The following RNF19A variants were observed in gnomAD, a reference collection of about 807,000 sequenced individuals.
RNF19A encodes the protein E3 ubiquitin-protein ligase RNF19A.
In RNF19A, 32 loss-of-function variants were observed where a neutral mutation model predicts 75.7. That is an observed-to-expected ratio of 0.42 (90% confidence interval 0.32 to 0.57). The LOEUF is 0.57. Ranked by LOEUF, RNF19A falls within the 20% of genes least tolerant of loss-of-function variation. The probability of loss-of-function intolerance (pLI) is 0.10; values close to 1 mark genes in which losing one functional copy is unlikely to be tolerated. For synonymous variants in RNF19A, 335 were observed against 345.2 expected, an observed-to-expected ratio of 0.97 and a Z score of 0.33; for missense variants, 782 against 1,036.3, an observed-to-expected ratio of 0.75 and a Z score of 3.37.
intron 3 of RNF19A, among the ~76,000 whole-genome samples, chr8:100,273,832 G>C (rs1469611905): frequency 6.6e-6 from 1 of 152,032 alleles, no homozygotes; most frequent in Non-Finnish European, 1.5e-5. Flanking sequence ...ATCCAGGCTG[G>C]AGGGCAGTGG....
At chr8:100,300,229 A>C (rs144085299) in intron 1 of RNF19A, among the ~76,000 whole-genome samples, 6 of 152,232 alleles carry the variant, frequency 3.9e-5, no homozygotes, top group Non-Finnish European at 5.9e-5. Flanking sequence ...AGGAAATATT[A>C]TTAACTGTAT....
Position 100,287,785 on chromosome 8 carries a change from TA to T in RNF19A, c.389del (p.Ile130LysfsTer18), listed in dbSNP as rs754675621. ...GCCGCAAAAGGCACAAAGGGCACTC[TA>T]TGAAGTCTCCAATTTGTTTGCTGAT... is the stretch of plus-strand genomic sequence containing the variant. ...TSISKQIGDF[I>X]ECPLCLLRHS... On this transcript the variant is annotated frameshift_variant, in exon 2 of 10. Transcript: ENST00000341084. LOFTEE classifies it high-confidence loss of function. The surrounding 1 kb of genome is among the most constrained non-coding windows in gnomAD (Gnocchi z 4.1). The T allele has an allele frequency of 6.2e-7, 1 of 1,614,196 alleles. No homozygotes were observed. Among genetic ancestry groups the T allele is most frequent in the African/African-American group, 1.3e-5 (1 of 75,060 alleles).
chr8:100,317,449 T>A lies in RNF19A; in HGVS notation c.-242-4077A>T, dbSNP rs1489699449. On this transcript the variant is annotated intron_variant, in intron 1 of 3. Coordinates refer to the RNF19A transcript ENST00000519527. This position sits in a 1 kb window ranked among gnomAD's most constrained non-coding sequence, Gnocchi z 4.3. ...CAGAGAGTGCCAGGGGAAAGGAAAT[T>A]GTTTCTTCCTCTTCATGGGACCCAT... Among the ~76,000 whole-genome samples, 1 of 152,226 alleles carries A rather than the reference T, an allele frequency of 6.6e-6. No homozygotes were observed. The highest frequency in any genetic ancestry group is 1.5e-5 in the Non-Finnish European group (1 of 68,028).
Position 100,288,221 on chromosome 8 carries a change from G to T in RNF19A, c.-47C>A, listed in dbSNP as rs1210904965. ...GAATATCCTACTTGGTTCCTTCAGA[G>T]AATTCTTGAAAAGTTCGATTTACAG... On this transcript the variant is annotated 5_prime_UTR_variant, in exon 2 of 10. Transcript: ENST00000341084. The T allele has an allele frequency of 2.0e-6, 3 of 1,498,844 alleles. No homozygotes were observed. The highest frequency in any genetic ancestry group is 2.7e-6 in the Non-Finnish European group (3 of 1,127,760). The allele number at this position is 1,498,844 out of a possible 1,614,324, so 92.8% of individuals were successfully genotyped here.
At chr8:100,288,791 T>C (rs1269923585) in intron 1 of RNF19A, among the ~76,000 whole-genome samples, 1 of 152,180 alleles carries the variant, frequency 6.6e-6, no homozygotes, top group East Asian at 1.9e-4. Context: ...CCAGGCGCGG[T>C]GGCTCACGCC....
intron 2 of RNF19A, among the ~76,000 whole-genome samples, chr8:100,283,416 A>C (rs1473934463): frequency 6.6e-6 from 1 of 152,166 alleles, no homozygotes; most frequent in Non-Finnish European, 1.5e-5. Context: ...TTTTTCTCTG[A>C]ACCTGTGAGG....
At position 100,259,531 on chromosome 8, in the gene RNF19A, A is replaced by C. The variant is rs1819614113; in HGVS notation, c.1827-285T>G. 6.6e-6 allele frequency among the ~76,000 whole-genome samples: 1 copy of C among 152,158 alleles called. No individual in the cohort carries two copies. The highest frequency in any genetic ancestry group is 2.4e-5 in the African/African-American group (1 of 41,432). ...TATTCAGATACAATTCCCCTGTTTA[A>C]AGTGTACAATTCAGTGATTTTTAGT... On this transcript the variant is annotated intron_variant, in intron 9 of 9. Coordinates refer to ENST00000341084, the MANE Select transcript of RNF19A (RefSeq NM_183419.4). This position sits in a 1 kb window ranked among gnomAD's most constrained non-coding sequence, Gnocchi z 4.5.
intron 3 of RNF19A, among the ~76,000 whole-genome samples, chr8:100,271,677 G>C (rs1316033615): frequency 1.3e-5 from 2 of 152,096 alleles, no homozygotes; most frequent in African/African-American, 2.4e-5. Context: ...ATGTATTTTT[G>C]ATAGGTCTCT....
rs757766178 is a variant in RNF19A at position 100,317,645 on chromosome 8, C to A, written c.-242-4273G>T. On this transcript the variant is annotated intron_variant, in intron 1 of 3. Transcript: ENST00000519527. This position sits in a 1 kb window ranked among gnomAD's most constrained non-coding sequence, Gnocchi z 4.3. ...AGGCAAGCCCACACTGTGCTGGTGA[C>A]CTGGACCAGAATCCTCCAGAGGCTT... Among the ~76,000 whole-genome samples the A allele has an allele frequency of 5.3e-5, 8 of 152,204 alleles. No homozygotes were observed. Among genetic ancestry groups the A allele is most frequent in the Non-Finnish European group, 7.3e-5 (5 of 68,038 alleles).
Position 100,261,525 on chromosome 8 carries a change from C to G in RNF19A, c.1682+17G>C. ...TAGTTACCAGAAAGCAGAACCAAACCAAACCAAAACACACACCTGTTAAAA... is the reference window on the plus strand; with the variant it reads ...TAGTTACCAGAAAGCAGAACCAAACGAAACCAAAACACACACCTGTTAAAA... On this transcript the variant is annotated intron_variant, in intron 8 of 9. Coordinates refer to ENST00000341084, the MANE Select transcript of RNF19A (RefSeq NM_183419.4). This position sits in a 1 kb window ranked among gnomAD's most constrained non-coding sequence, Gnocchi z 4.4. 1 of 1,611,294 alleles carries G rather than the reference C, an allele frequency of 6.2e-7. No homozygotes were observed. Among genetic ancestry groups the G allele is most frequent in the Non-Finnish European group, 8.5e-7 (1 of 1,177,778 alleles).
In RNF19A at chr8:100,264,691, A is replaced by G; in HGVS notation, c.1286T>C (p.Val429Ala). Reference sequence around the variant, plus strand: ...CTTACCTACAGTCACTGCAGCTACTACTGGAGACACGATTACAGACAACGT... The same window carrying G: ...CTTACCTACAGTCACTGCAGCTACTGCTGGAGACACGATTACAGACAACGT... Reference protein sequence around the residue: ...GVTLSVIVSPVVAAVTVGIGV... With the variant: ...GVTLSVIVSPAVAAVTVGIGV... The change falls in exon 6 of 10, where the codon GTA (valine) becomes GCA (alanine). Residue 429 changes from valine (V) to alanine (A), a missense_variant. This residue lies in a region of RNF19A where 442 missense variants were observed against 541.6 expected (regional missense o/e 0.82). Coordinates refer to ENST00000341084, the MANE Select transcript of RNF19A (RefSeq NM_183419.4). The surrounding 1 kb of genome is among the most constrained non-coding windows in gnomAD (Gnocchi z 4.7). 6.2e-7 allele frequency: 1 copy of G among 1,612,030 alleles called. No individual in the cohort carries two copies. Among genetic ancestry groups the G allele is most frequent in the South Asian group, 1.1e-5 (1 of 91,004 alleles).
At chr8:100,334,601 C>T (rs571455214) in intron 1 of RNF19A, among the ~76,000 whole-genome samples, 54 of 152,294 alleles carry the variant, frequency 3.5e-4, no homozygotes, top group African/African-American at 1.1e-3. Flanking sequence ...GCCCCACCTC[C>T]GAGCTCCAGA....
chr8:100,302,568 A>C (rs934525404), intron 1 of RNF19A, among the ~76,000 whole-genome samples: 3 of 152,216 alleles, frequency 2.0e-5, no homozygotes, highest in African/African-American at 7.2e-5. Flanking sequence ...TAAAGCCTAG[A>C]GATGTAAATT....
At chr8:100,297,221 A>G (rs1821606237) in intron 1 of RNF19A, among the ~76,000 whole-genome samples, 1 of 152,244 alleles carries the variant, frequency 6.6e-6, no homozygotes, top group Non-Finnish European at 1.5e-5. Flanking sequence ...TGTGAAAGAA[A>G]GCAATGTTAC....
At chr8:100,285,260 T>G (rs528071023) in intron 2 of RNF19A, among the ~76,000 whole-genome samples, 4 of 152,314 alleles carry the variant, frequency 2.6e-5, no homozygotes, top group Admixed American at 2.0e-4. Flanking sequence ...TTTTTTCCTT[T>G]TATTTATATA....
chr8:100,318,950 G>A (rs1822425287), intron 1 of RNF19A, among the ~76,000 whole-genome samples: 1 of 152,236 alleles, frequency 6.6e-6, no homozygotes, highest in Non-Finnish European at 1.5e-5. Flanking sequence ...ACATGGCCCA[G>A]AGCAATCCCC....
At chr8:100,309,301 C>T in intron 1 of RNF19A, 1 of 985,408 alleles carries the variant, frequency 1.0e-6, no homozygotes, top group Middle Eastern at 5.2e-4. Flanking sequence ...GACTAACCTT[C>T]CTCCGAACAC....
chr8:100,266,229 T>G (rs1000413486), intron 5 of RNF19A, among the ~76,000 whole-genome samples: 1 of 152,244 alleles, frequency 6.6e-6, no homozygotes. Flanking sequence ...CCTAGGCTGG[T>G]TGGGATCCCA....
In RNF19A at chr8:100,264,007, T is replaced by C. The variant is rs1165741232; in HGVS notation, c.1468+27A>G. The stretch of plus-strand genomic sequence containing the variant: ...ACTACTTACACTGTTAATAAGCACA[T>C]TTTCTTCCTTTGCTTAAAGGACTTA... On this transcript the variant is annotated intron_variant, in intron 7 of 9. Transcript: ENST00000341084. The surrounding 1 kb of genome is among the most constrained non-coding windows in gnomAD (Gnocchi z 4.7). 1.9e-5 allele frequency: 31 copies of C among 1,598,000 alleles called. No homozygotes were observed. Among genetic ancestry groups the C allele is most frequent in the Non-Finnish European group, 2.6e-5 (30 of 1,169,794 alleles).
Sources: gnomAD v4.1 joint callset for allele counts (sites outside exome capture counted in the v4.1 genomes callset) on GRCh38, gnomAD v4.1.1 for gene constraint, gnomAD v4.1.1 regional missense constraint, Gnocchi (gnomAD v3.1) non-coding constraint, MANE v1.5 for transcripts, NCBI Gene and HGNC (gene_info 2026-07-23, HGNC 2026-07-21) for gene names.